ADAM12: variants seen among roughly 807,000 people sequenced by gnomAD.
ADAM12 encodes the protein ADAM metallopeptidase domain 12.
In ADAM12, 70 loss-of-function variants were observed where a neutral mutation model predicts 106.4. That is an observed-to-expected ratio of 0.66 (90% CI 0.54 to 0.80). The LOEUF (loss-of-function observed/expected upper bound fraction) is 0.80. Among genes scored for constraint, ADAM12 ranks in the 30% least tolerant of loss-of-function variants. The pLI is 0.00. For missense variants in ADAM12, 1,010 were observed against 1,171.9 expected (o/e 0.86, Z 2.02); for synonymous variants, 420 against 433.5 (o/e 0.97, Z 0.39).
chr10:126,243,753 A>C (rs1256093047), intron 3 of ADAM12, among the ~76,000 whole-genome samples: 2 of 152,170 alleles, frequency 1.3e-5, no homozygotes, highest in Non-Finnish European at 2.9e-5. Context: ...CATTTTAGAG[A>C]ACCAGCCAAA....
In ADAM12 at chr10:126,066,677, T is replaced by C. The variant is rs1459542462; in HGVS notation, c.1413+40A>G. The C allele has an allele frequency of 2.5e-6, 4 of 1,595,648 alleles. No homozygotes were observed. Among genetic ancestry groups the C allele is most frequent in the East Asian group, 2.2e-5 (1 of 44,764 alleles). ...ATCAGATCTGAACCACCTGAACCTG[T>C]TGGCGACCTGGGGGTCAAGTTGTAG... On this transcript the variant is annotated intron_variant, in intron 13 of 22. Coordinates refer to ENST00000448723, the MANE Select transcript of ADAM12 (RefSeq NM_001288973.2). This position sits in a 1 kb window ranked among gnomAD's most constrained non-coding sequence, Gnocchi z 5.1.
chr10:126,344,621 C>A (rs1229139183), intron 1 of ADAM12, among the ~76,000 whole-genome samples: 1 of 152,126 alleles, frequency 6.6e-6, no homozygotes, highest in Admixed American at 6.6e-5. Flanking sequence ...GGCAATATGG[C>A]CATTTTTACG....
intron 4 of ADAM12, among the ~76,000 whole-genome samples, chr10:126,137,469 C>T (rs1049368759): frequency 2.0e-5 from 3 of 152,208 alleles, no homozygotes; most frequent in Admixed American, 6.5e-5. Context: ...ATTATATACT[C>T]ATCACCACTA....
chr10:126,105,988 T>A (rs1955758767), intron 8 of ADAM12, among the ~76,000 whole-genome samples: 1 of 152,160 alleles, frequency 6.6e-6, no homozygotes, highest in Admixed American at 6.5e-5. Flanking sequence ...CATGTAGCCA[T>A]AGCCTCTCTC....
intron 9 of ADAM12, among the ~76,000 whole-genome samples, chr10:126,100,550 A>C (rs1955643899): frequency 6.6e-6 from 1 of 151,568 alleles, no homozygotes; most frequent in African/African-American, 2.4e-5. Context: ...AAAAAAAAAA[A>C]AAAAAAATAC....
intron 3 of ADAM12, among the ~76,000 whole-genome samples, chr10:126,265,636 A>G (rs1461766661): frequency 1.3e-5 from 2 of 152,238 alleles, no homozygotes; most frequent in Non-Finnish European, 2.9e-5. Context: ...ACCTACCAGT[A>G]AACAGAAAAC....
chr10:126,183,210 C>T (rs1240805624), intron 3 of ADAM12, among the ~76,000 whole-genome samples: 1 of 152,208 alleles, frequency 6.6e-6, no homozygotes, highest in African/African-American at 2.4e-5. Flanking sequence ...GCTGATTCTA[C>T]ATATTATGAG....
intron 3 of ADAM12, among the ~76,000 whole-genome samples, chr10:126,245,734 G>A (rs1190614758): frequency 1.3e-5 from 2 of 152,204 alleles, no homozygotes; most frequent in Admixed American, 6.5e-5. Context: ...GGCTCCTCAA[G>A]GGGAGCATGA....
rs76266004 is a variant in ADAM12 at position 126,211,089 on chromosome 10, G to A, written c.261-55784C>T. Among the ~76,000 whole-genome samples, 58 of 152,254 alleles carry A rather than the reference G, an allele frequency of 3.8e-4. No individual in the cohort carries two copies. In the East Asian group the frequency reaches 8.7e-3, roughly 23 times the overall value. On this transcript the variant is annotated intron_variant, in intron 3 of 22. Transcript: ENST00000448723. ...TCTCTCTTCCTCTGTTTGGGGCTGT[G>A]GCATTAGAATGTGAGTTATGGGAGC...
intron 4 of ADAM12, among the ~76,000 whole-genome samples, chr10:126,144,684 G>A (rs1369102503): frequency 6.6e-6 from 1 of 152,148 alleles, no homozygotes; most frequent in African/African-American, 2.4e-5. Flanking sequence ...GAGACACACA[G>A]GCCTGAACAA....
At chr10:126,083,545 C>A (rs1371175513) in intron 11 of ADAM12, among the ~76,000 whole-genome samples, 1 of 152,240 alleles carries the variant, frequency 6.6e-6, no homozygotes, top group East Asian at 1.9e-4. Context: ...CAAGGTTCTA[C>A]ACTTCCTTCC....
Position 126,066,330 on chromosome 10 carries a change from C to T in ADAM12, c.1413+387G>A, listed in dbSNP as rs575357570. 6.6e-6 allele frequency among the ~76,000 whole-genome samples: 1 copy of T among 152,276 alleles called. No individual in the cohort carries two copies. Among genetic ancestry groups the T allele is most frequent in the South Asian group, 2.1e-4 (1 of 4,822 alleles). On this transcript the variant is annotated intron_variant, in intron 13 of 22. Transcript: ENST00000448723. The surrounding 1 kb of genome is among the most constrained non-coding windows in gnomAD (Gnocchi z 5.1). ...GCCAGCAGGCAGATGTCCGCGGGAT[C>T]AAGAAGATGAACCTGGGGGAACCTG... is the stretch of plus-strand genomic sequence containing the variant.
chr10:126,388,320 A>AT lies in ADAM12; in HGVS notation c.-176dup. 1 of 1,029,632 alleles carries AT rather than the reference A, an allele frequency of 9.7e-7. No homozygotes were observed. The highest frequency in any genetic ancestry group is 1.2e-6 in the Non-Finnish European group (1 of 819,164). 63.8% of individuals were successfully genotyped at this position (1,029,632 alleles called of 1,614,324 possible). On this transcript the variant is annotated 5_prime_UTR_variant, in exon 1 of 23. In the 5' UTR this introduces an upstream ATG that the reference lacks. Transcript: ENST00000448723. The surrounding 1 kb of genome is among the most constrained non-coding windows in gnomAD (Gnocchi z 4.4). ...CGCCGCTGAGCTCTTCTAGCCTTTC[A>AT]TTTTTAAAAAAGTTTCCCCCCGTGT... is the stretch of plus-strand genomic sequence containing the variant.
At chr10:126,069,017 C>G (rs1954929805) in intron 12 of ADAM12, among the ~76,000 whole-genome samples, 1 of 152,130 alleles carries the variant, frequency 6.6e-6, no homozygotes, top group Non-Finnish European at 1.5e-5. Flanking sequence ...ACTACTCCTT[C>G]CCTGATGTCG....
At chr10:126,274,348 C>T (rs753304140) in intron 3 of ADAM12, among the ~76,000 whole-genome samples, 1 of 152,194 alleles carries the variant, frequency 6.6e-6, no homozygotes, top group Non-Finnish European at 1.5e-5. Flanking sequence ...GGACCCACCA[C>T]ATATACCCCC....
chr10:126,169,291 G>A (rs1957077978), intron 3 of ADAM12, among the ~76,000 whole-genome samples: 1 of 152,120 alleles, frequency 6.6e-6, no homozygotes, highest in Non-Finnish European at 1.5e-5. Context: ...CTTCCTAAAT[G>A]CGGTTCTCCT....
At chr10:126,037,553 T>C (rs1053767479) in intron 20 of ADAM12, among the ~76,000 whole-genome samples, 1 of 152,208 alleles carries the variant, frequency 6.6e-6, no homozygotes, top group Non-Finnish European at 1.5e-5. Flanking sequence ...TGTTCACTGT[T>C]ATAATTTGGA....
At chr10:126,320,465 T>C (rs888286873) in intron 2 of ADAM12, among the ~76,000 whole-genome samples, 1 of 152,176 alleles carries the variant, frequency 6.6e-6, no homozygotes, top group Non-Finnish European at 1.5e-5. Context: ...AGGGAAAGAA[T>C]AGGAGGATTT....
In ADAM12 at chr10:126,086,043, C is replaced by G. The variant is rs1298425; in HGVS notation, c.1145+7942G>C. ...GATTGCAGGATTGGCAGGATTTCAG[C>G]TGAAATGTTTTCACACATGCTGTAC... On this transcript the variant is annotated intron_variant, in intron 11 of 22. Coordinates refer to ENST00000448723, the MANE Select transcript of ADAM12 (RefSeq NM_001288973.2). Among the ~76,000 whole-genome samples, 168 of 152,146 alleles carry G rather than the reference C, an allele frequency of 1.1e-3. 1 individual carries two copies. Among genetic ancestry groups the G allele is most frequent in the Non-Finnish European group, 2.0e-3 (138 of 68,002 alleles).
Sources: gnomAD v4.1 joint callset for allele counts (sites outside exome capture counted in the v4.1 genomes callset) on GRCh38, gnomAD v4.1.1 for gene constraint, Gnocchi (gnomAD v3.1) non-coding constraint, MANE v1.5 for transcripts, NCBI Gene and HGNC (gene_info 2026-07-23, HGNC 2026-07-21) for gene names.